PRIM2: variants seen among roughly 807,000 people sequenced by gnomAD.
PRIM2 encodes the protein DNA primase large subunit.
PRIM2 carries 39 observed loss-of-function variants against 67.3 expected under a neutral mutation model. That is an observed-to-expected ratio of 0.58 (90% CI 0.45 to 0.76). The LOEUF is 0.76. Among genes scored for constraint, PRIM2 ranks in the 30% least tolerant of loss-of-function variants. PRIM2 has a pLI of 0.00. For synonymous variants in PRIM2, 143 were observed against 198.7 expected (o/e 0.72, Z 2.36); for missense variants, 398 against 598.7 (o/e 0.66, Z 3.50).
intron 7 of PRIM2, among the ~76,000 whole-genome samples, chr6:57,454,823 G>A (rs1221303580): frequency 3.9e-5 from 6 of 152,082 alleles, no homozygotes; most frequent in Non-Finnish European, 8.8e-5. Flanking sequence ...CTTGCCTTCT[G>A]TTAGCTTTTG....
intron 7 of PRIM2, among the ~76,000 whole-genome samples, chr6:57,401,783 G>T (rs1389873877): frequency 7.9e-5 from 12 of 152,198 alleles, no homozygotes; most frequent in Admixed American, 7.8e-4. Flanking sequence ...CCAGCCAGGG[G>T]TTCTCTGTCT....
the PRIM2 span, among the ~76,000 whole-genome samples, chr6:57,303,990 A>G: frequency 6.6e-6 from 1 of 152,162 alleles, no homozygotes; most frequent in Non-Finnish European, 1.5e-5. Context: ...AGCAATAATG[A>G]TGCAGGATGA....
intron 7 of PRIM2, among the ~76,000 whole-genome samples, chr6:57,495,130 A>T (rs1474088035): frequency 6.6e-6 from 1 of 152,206 alleles, no homozygotes; most frequent in Non-Finnish European, 1.5e-5. Context: ...TCCCTTTAGA[A>T]GGGCTTAAAA....
chr6:57,553,609 C>T (rs1464618989), intron 10 of PRIM2, among the ~76,000 whole-genome samples: 7 of 151,810 alleles, frequency 4.6e-5, no homozygotes, highest in African/African-American at 9.7e-5. Flanking sequence ...ACATTGCATG[C>T]ACTTTCGTTG....
At chr6:57,432,878 A>G (rs536196274) in intron 7 of PRIM2, among the ~76,000 whole-genome samples, 23 of 152,372 alleles carry the variant, frequency 1.5e-4, no homozygotes, top group African/African-American at 5.5e-4. Context: ...CTAACTCCAT[A>G]TCATAATCTA....
chr6:57,318,846 G>C (rs759465797), intron 2 of PRIM2, among the ~76,000 whole-genome samples: 1 of 152,166 alleles, frequency 6.6e-6, no homozygotes, highest in South Asian at 2.1e-4. Context: ...CAGGGATTTT[G>C]AGATGAATAA....
At chr6:57,521,367 GTTTTTTTTTTTT>G (rs1163114437) in intron 8 of PRIM2, among the ~76,000 whole-genome samples, 2 of 97,956 alleles carry the variant, frequency 2.0e-5, no homozygotes, top group African/African-American at 3.8e-5. Context: ...TGTGGTTAGG[GTTTTTTTTTTTT>G]TTTTTTTTTT....
At chr6:57,469,099 C>G (rs1264573773) in intron 7 of PRIM2, among the ~76,000 whole-genome samples, 1 of 152,116 alleles carries the variant, frequency 6.6e-6, no homozygotes, top group Non-Finnish European at 1.5e-5. Flanking sequence ...TTATCATCAC[C>G]GTTGTGATTA....
intron 10 of PRIM2, among the ~76,000 whole-genome samples, chr6:57,595,262 A>G (rs1223794375): frequency 3.3e-5 from 5 of 152,182 alleles, no homozygotes; most frequent in African/African-American, 4.8e-5. Flanking sequence ...ATATGTAAGA[A>G]TGTTCATGGC....
At chr6:57,255,303 C>T in the PRIM2 span, among the ~76,000 whole-genome samples, 12,269 of 152,030 alleles carry the variant, frequency 0.081, 552 homozygotes, top group Non-Finnish European at 0.1. Flanking sequence ...TCAAGACCAT[C>T]CTGGCTAACA....
chr6:57,245,939 C>A, the PRIM2 span, among the ~76,000 whole-genome samples: 2 of 152,196 alleles, frequency 1.3e-5, no homozygotes, highest in African/African-American at 4.8e-5. Flanking sequence ...ATTGGTGTCA[C>A]TCTAGTCATA....
chr6:57,399,357 G>A (rs908982630), intron 7 of PRIM2, among the ~76,000 whole-genome samples: 47 of 152,118 alleles, frequency 3.1e-4, no homozygotes, highest in Non-Finnish European at 4.7e-4. Context: ...ATGTCCCTAC[G>A]AAGGACATGA....
chr6:57,482,789 A>G (rs1415815184), intron 7 of PRIM2, among the ~76,000 whole-genome samples: 4 of 152,330 alleles, frequency 2.6e-5, no homozygotes, highest in African/African-American at 7.2e-5. Flanking sequence ...CAAGGAGATT[A>G]AATACCTATT....
the PRIM2 span, among the ~76,000 whole-genome samples, chr6:57,307,410 CACCT>C: frequency 6.6e-5 from 10 of 151,576 alleles, no homozygotes; most frequent in African/African-American, 2.4e-4. Flanking sequence ...CCCGCCACCA[CACCT>C]GGCTAATTTT....
chr6:57,224,719 C>A, the PRIM2 span, among the ~76,000 whole-genome samples: 1 of 151,956 alleles, frequency 6.6e-6, no homozygotes, highest in Admixed American at 6.6e-5. Flanking sequence ...AAAGGGGGTT[C>A]CCCCAAAATC....
chr6:57,521,452 A>G (rs1774622583), intron 8 of PRIM2, among the ~76,000 whole-genome samples: 1 of 150,386 alleles, frequency 6.6e-6, no homozygotes, highest in African/African-American at 2.5e-5. Flanking sequence ...TAATGTACAG[A>G]AACATTTACT....
At chr6:57,408,313 A>G (rs1466572005) in intron 7 of PRIM2, among the ~76,000 whole-genome samples, 1 of 152,190 alleles carries the variant, frequency 6.6e-6, no homozygotes, top group Non-Finnish European at 1.5e-5. Context: ...GGGGGCTCCA[A>G]AGCTGAGAGA....
At chr6:57,419,937 A>C (rs2127370985) in intron 7 of PRIM2, among the ~76,000 whole-genome samples, 1 of 152,296 alleles carries the variant, frequency 6.6e-6, no homozygotes, top group African/African-American at 2.4e-5. Flanking sequence ...GAACTGAGGA[A>C]ACAGAACAGG....
At position 57,382,060 on chromosome 6, in the gene PRIM2, T is replaced by G; in HGVS notation, c.585T>G (p.Phe195Leu). ...KIPFADALDL[F>L]RGRKVYLEDG... The stretch of plus-strand genomic sequence containing the variant: ...CTTTTGCTGATGCTCTGGATTTGTT[T>G]CGAGGAAGGAAAGTCTATTTGGAAG... Residue 195 changes from phenylalanine to leucine, a missense_variant, in exon 7 of 14, where the codon TTT becomes TTG. Physicochemically the swap from Phe to Leu is conservative, Grantham distance 22. Coordinates refer to ENST00000615550, the MANE Select transcript of PRIM2 (RefSeq NM_000947.5). The G allele has an allele frequency of 1.9e-6, 3 of 1,612,110 alleles. No homozygotes were observed. The highest frequency in any genetic ancestry group is 2.5e-6 in the Non-Finnish European group (3 of 1,178,884).
Sources: allele counts gnomAD v4.1 joint callset (sites outside exome capture counted in the v4.1 genomes callset), GRCh38; gene constraint gnomAD v4.1.1; transcripts MANE v1.5; gene names NCBI Gene and HGNC (gene_info 2026-07-23, HGNC 2026-07-21).